The following TAF12 variants were observed in gnomAD, a reference collection of about 807,000 sequenced individuals.
The protein encoded by TAF12 is transcription initiation factor TFIID subunit 12.
A neutral mutation model predicts 20.8 loss-of-function variants in TAF12; 3 were observed. The ratio of observed to expected loss-of-function variants is 0.14; its 90% CI spans 0.07 to 0.37. The LOEUF is 0.37. TAF12 is among the 10% of genes least tolerant of loss of function. The pLI is 1.00. For synonymous variants in TAF12, 69 were observed against 70.2 expected, an observed-to-expected ratio of 0.98 and a Z score of 0.09; for missense variants, 131 against 197.9, an observed-to-expected ratio of 0.66 and a Z score of 2.03.
At chr1:28,620,474 C>T (rs1667185424) in intron 2 of TAF12, among the ~76,000 whole-genome samples, 4 of 149,766 alleles carry the variant, frequency 2.7e-5, no homozygotes, top group Admixed American at 6.7e-5. Context: ...CTCGCTCTGT[C>T]GCCCAGGCTG....
At chr1:28,621,860 T>C (rs1290057307) in intron 2 of TAF12, 54 bp downstream of exon 2, 8 of 1,589,192 alleles carry the variant, frequency 5.0e-6, no homozygotes, top group Middle Eastern at 1.7e-4. Flanking sequence ...GTATTACAGA[T>C]TGAAATAATA....
At chr1:28,627,015 T>G (rs904824389) in intron 1 of TAF12, among the ~76,000 whole-genome samples, 29 of 152,338 alleles carry the variant, frequency 1.9e-4, no homozygotes, top group African/African-American at 6.5e-4. Context: ...TTTTTTTTCT[T>G]TTTTTGTTGT....
chr1:28,646,500 A>G (rs1277452116), upstream of TAF12: 4 of 152,086 alleles, frequency 2.6e-5, no homozygotes, highest in East Asian at 1.9e-4. Context: ...CTAACAGTCT[A>G]TATTTTGTGT....
chr1:28,622,819 G>A (rs371912953), intron 1 of TAF12, among the ~76,000 whole-genome samples: 1 of 152,108 alleles, frequency 6.6e-6, no homozygotes. Flanking sequence ...TCAGGAGTTC[G>A]AGAGGAGCCT....
intron 4 of TAF12, among the ~76,000 whole-genome samples, chr1:28,608,641 G>A (rs781428308): frequency 1.5e-4 from 22 of 151,016 alleles, no homozygotes; most frequent in Non-Finnish European, 2.7e-4. Context: ...TGTGGTCCCA[G>A]CTAATCGGGA....
chr1:28,619,985 A>G (rs1180650623), intron 2 of TAF12, among the ~76,000 whole-genome samples: 1 of 151,986 alleles, frequency 6.6e-6, no homozygotes, highest in Non-Finnish European at 1.5e-5. Flanking sequence ...CAGAGGAAAA[A>G]AAGAAAAACA....
intron 1 of TAF12, among the ~76,000 whole-genome samples, chr1:28,638,477 C>T (rs2124385487): frequency 6.8e-6 from 1 of 148,056 alleles, no homozygotes; most frequent in East Asian, 2.0e-4. Flanking sequence ...GCATAAGCCA[C>T]CGCGCCCGGC....
At chr1:28,614,821 G>A (rs10915181) in intron 3 of TAF12, among the ~76,000 whole-genome samples, 2,846 of 152,166 alleles carry the variant, frequency 0.019, 79 homozygotes, top group African/African-American at 0.064. Context: ...AAAAATCTAC[G>A]AGGCCAGGAG....
chr1:28,647,261 C>A (rs548163454), upstream of TAF12, among the ~76,000 whole-genome samples: 12 of 152,158 alleles, frequency 7.9e-5, 1 homozygote, highest in South Asian at 2.5e-3. Context: ...TGTGCTGTTT[C>A]AATTTCTTTA....
intron 1 of TAF12, among the ~76,000 whole-genome samples, chr1:28,640,757 T>TTAAA (rs1282205238): frequency 1.2e-4 from 18 of 152,158 alleles, no homozygotes; most frequent in Non-Finnish European, 2.1e-4. Flanking sequence ...AAACAGCTTA[T>TTAAA]TAAATAAATA....
At chr1:28,615,567 T>G (rs1277504393) in intron 3 of TAF12, among the ~76,000 whole-genome samples, 1 of 150,774 alleles carries the variant, frequency 6.6e-6, no homozygotes, top group African/African-American at 2.4e-5. Context: ...TAGTCCCAGC[T>G]TCTCAGGAGG....
chr1:28,617,591 C>T (rs1667084284), intron 3 of TAF12, among the ~76,000 whole-genome samples: 1 of 151,776 alleles, frequency 6.6e-6, no homozygotes, highest in Non-Finnish European at 1.5e-5. Context: ...GGACTACAGG[C>T]GCCCGCCACC....
Position 28,603,405 on chromosome 1 carries a change from T to C in TAF12, c.*134A>G. On this transcript the variant is annotated 3_prime_UTR_variant, in exon 6 of 6. Transcript: ENST00000373824. ...CAGATCCTCTCAGTCATTATAGATA[T>C]TGCTGCACTGTTAATAAAAAATATA... is the stretch of plus-strand genomic sequence containing the variant. 4 of 895,448 alleles carry C rather than the reference T, an allele frequency of 4.5e-6. No individual in the cohort carries two copies. Among genetic ancestry groups the C allele is most frequent in the Non-Finnish European group, 7.0e-6 (4 of 571,296 alleles). 55.5% of individuals were successfully genotyped at this position (895,448 alleles called of 1,614,324 possible).
At chr1:28,635,276 C>CTTT (rs1179724707) in intron 1 of TAF12, among the ~76,000 whole-genome samples, 16 of 100,634 alleles carry the variant, frequency 1.6e-4, no homozygotes, top group Non-Finnish European at 2.1e-4. Flanking sequence ...ATCCTCCCTC[C>CTTT]TTTTTTTTTT....
chr1:28,621,347 G>A (rs1667215920), intron 2 of TAF12, among the ~76,000 whole-genome samples: 1 of 152,190 alleles, frequency 6.6e-6, no homozygotes, highest in African/African-American at 2.4e-5. Context: ...ATTATGGGTA[G>A]AAAGAATGGA....
At chr1:28,628,831 G>A (rs1304839606) in intron 1 of TAF12, among the ~76,000 whole-genome samples, 1 of 152,236 alleles carries the variant, frequency 6.6e-6, no homozygotes, top group Non-Finnish European at 1.5e-5. Context: ...CCGGCACTTT[G>A]GGAGGCCAAG....
chr1:28,611,771 T>G (rs990542256), intron 4 of TAF12, among the ~76,000 whole-genome samples: 1 of 152,076 alleles, frequency 6.6e-6, no homozygotes, highest in African/African-American at 2.4e-5. Flanking sequence ...TTTTTGTTGT[T>G]TTAAGCTGCC....
intron 5 of TAF12, 147 bp downstream of exon 5, chr1:28,605,225 C>T: frequency 1.4e-6 from 1 of 722,818 alleles, no homozygotes; most frequent in South Asian, 1.7e-5. Context: ...GCTGCTGCCT[C>T]TTGCCCTCTC....
chr1:28,634,822 G>A (rs967833636), intron 1 of TAF12, among the ~76,000 whole-genome samples: 29 of 151,754 alleles, frequency 1.9e-4, no homozygotes, highest in Non-Finnish European at 8.8e-5. Flanking sequence ...CCAGCTACTC[G>A]GGAAGCTGAG....
Sources: gnomAD v4.1 joint callset for allele counts (sites outside exome capture counted in the v4.1 genomes callset) on GRCh38, gnomAD v4.1.1 for gene constraint, MANE v1.5 for transcripts, NCBI Gene and HGNC (gene_info 2026-07-23, HGNC 2026-07-21) for gene names.